Variants in RAB11FIP1 observed in about 807,000 individuals in gnomAD.
RAB11FIP1 encodes the protein RAB11 family interacting protein 1.
A neutral mutation model predicts 83.1 loss-of-function variants in RAB11FIP1; 49 were observed. That is an observed-to-expected ratio of 0.59 (90% CI 0.47 to 0.75). The LOEUF is 0.75. Ranked by LOEUF, RAB11FIP1 falls within the 30% of genes least tolerant of loss-of-function variation. RAB11FIP1 has a pLI of 0.00. For missense variants in RAB11FIP1, 1,536 were observed against 1,598.7 expected, an observed-to-expected ratio of 0.96 and a Z score of 0.67; for synonymous variants, 670 against 656.0, an observed-to-expected ratio of 1.02 and a Z score of -0.33.
chr8:37,880,281 G>A (rs1806707234), intron 1 of RAB11FIP1, among the ~76,000 whole-genome samples: 1 of 151,934 alleles, frequency 6.6e-6, no homozygotes, highest in South Asian at 2.1e-4. Context: ...AACAAGGCAA[G>A]ATCCCATTCT....
chr8:37,866,884 A>G (rs1185399838), intron 5 of RAB11FIP1, among the ~76,000 whole-genome samples: 6 of 152,180 alleles, frequency 3.9e-5, no homozygotes, highest in Non-Finnish European at 8.8e-5. Flanking sequence ...TTTACCCAGA[A>G]TGTTTACTAG....
chr8:37,871,667 C>G lies in RAB11FIP1; in HGVS notation c.3135G>C (p.Gln1045His), dbSNP rs1385399859. Residue 1045 changes from glutamine (Q) to histidine (H), a missense_variant, in exon 4 of 6, where the codon CAG (glutamine) becomes CAC (histidine). By Grantham distance (24) the Gln-to-His change is conservative. Coordinates refer to ENST00000330843, the MANE Select transcript of RAB11FIP1 (RefSeq NM_001002814.3). ...PQASVTAPSE[Q>H]TTEFGIHKPH... ...GTTTGTGAATTCCGAACTCTGTGGTCTGCTCTGAAGGAGCTGTCACAGATG... is the reference window on the plus strand; with the variant it reads ...GTTTGTGAATTCCGAACTCTGTGGTGTGCTCTGAAGGAGCTGTCACAGATG... 2.5e-6 allele frequency: 4 copies of G among 1,613,598 alleles called. No individual in the cohort carries two copies. The Admixed American group carries it at 6.7e-5, about 27-fold the overall frequency.
intron 4 of RAB11FIP1, 151 bp downstream of exon 4, chr8:37,871,127 A>G (rs1309246948): frequency 2.1e-6 from 2 of 953,788 alleles, no homozygotes; most frequent in African/African-American, 1.7e-5. Context: ...TTGAGGTATT[A>G]CCACCACAAG....
intron 1 of RAB11FIP1, among the ~76,000 whole-genome samples, chr8:37,898,832 A>C (rs1459481491): frequency 1.3e-5 from 2 of 151,394 alleles, no homozygotes; most frequent in African/African-American, 2.4e-5. Context: ...AAAAAAAAAA[A>C]AAAAAAAGCG....
chr8:37,861,071 G>C lies in RAB11FIP1; in HGVS notation c.*1824C>G, dbSNP rs1392445125. ...ATTAGATGAGATTCTATCATAGCCAGGGAAAAAAATGAGAAATACCAGAAA... is the reference window on the plus strand; with the variant it reads ...ATTAGATGAGATTCTATCATAGCCACGGAAAAAAATGAGAAATACCAGAAA... On this transcript the variant is annotated 3_prime_UTR_variant, in exon 6 of 6. Transcript: ENST00000330843. 6.5e-6 allele frequency: 1 copy of C among 152,810 alleles called. No homozygotes were observed. Among genetic ancestry groups the C allele is most frequent in the African/African-American group, 2.4e-5 (1 of 41,334 alleles). The allele number at this position is 152,810 out of a possible 1,614,324, so 9.5% of individuals were successfully genotyped here. A position where few individuals can be genotyped will look rare whatever the true frequency, so the allele number is the denominator to read the frequency against.
Position 37,871,475 on chromosome 8 carries a change from A to G in RAB11FIP1, c.3327T>C (p.Ser1109=). The change falls in exon 4 of 6, where the codon TCT becomes TCC. Residue 1109 remains serine, a synonymous_variant. Coordinates refer to ENST00000330843, the MANE Select transcript of RAB11FIP1 (RefSeq NM_001002814.3). ...TGTCAGAATGTGCAGAGCTGGGGAA[A>G]GAGTGTGTGACAGGAAAGATCTCAG... The part of the protein sequence containing the change: ...SPSEIFPVTH[S]FPSSAHSDTH... 1.2e-6 allele frequency: 2 copies of G among 1,614,008 alleles called. No homozygotes were observed. Among genetic ancestry groups the G allele is most frequent in the Non-Finnish European group, 1.7e-6 (2 of 1,179,954 alleles).
At chr8:37,887,390 G>A (rs778096993) in intron 1 of RAB11FIP1, among the ~76,000 whole-genome samples, 1 of 152,072 alleles carries the variant, frequency 6.6e-6, no homozygotes, top group African/African-American at 2.4e-5. Flanking sequence ...AATGAGCCGG[G>A]TGTGGTGGTA....
chr8:37,891,994 C>T (rs1392930952), intron 1 of RAB11FIP1, among the ~76,000 whole-genome samples: 1 of 152,186 alleles, frequency 6.6e-6, no homozygotes, highest in African/African-American at 2.4e-5. Context: ...CAACAGAAAT[C>T]TCCACTCACA....
At chr8:37,863,261 T>TCTTTCTTTCTTTCTTTCTTTCTTTC in intron 5 of RAB11FIP1, 148 bp from the exon 6 acceptor site, 2 of 522,584 alleles carry the variant, frequency 3.8e-6, no homozygotes, top group African/African-American at 3.9e-5. Context: ...TTTCTTTCTT[T>TCTTTCTTTCTTTCTTTCTTTCTTTC]TTGAGACTGA....
In RAB11FIP1 at chr8:37,860,332, C is replaced by T. The variant is rs1259107685; in HGVS notation, c.*2563G>A. On this transcript the variant is annotated 3_prime_UTR_variant, in exon 6 of 6. Coordinates refer to ENST00000330843, the MANE Select transcript of RAB11FIP1 (RefSeq NM_001002814.3). The stretch of plus-strand genomic sequence containing the variant: ...AAACATAATGCAGGACAAATATATA[C>T]ATGTACCTTTTCTTTCTTTCTTTTT... 6.6e-6 allele frequency: 1 copy of T among 152,620 alleles called. No homozygotes were observed. The highest frequency in any genetic ancestry group is 1.5e-5 in the Non-Finnish European group (1 of 68,162). The allele number at this position is 152,620 out of a possible 1,614,324, so 9.5% of individuals were successfully genotyped here. A position where few individuals can be genotyped will look rare whatever the true frequency, so the allele number is the denominator to read the frequency against.
chr8:37,874,445 G>T (rs1039344552), intron 3 of RAB11FIP1, 70 bp downstream of exon 3: 2 of 1,224,370 alleles, frequency 1.6e-6, no homozygotes, highest in African/African-American at 3.0e-5. Flanking sequence ...ACAAGAGCTG[G>T]TCTAACGTAA....
chr8:37,870,400 CA>C lies in RAB11FIP1; in HGVS notation c.3633+19del, dbSNP rs560737690. 53 of 1,421,926 alleles carry C rather than the reference CA, an allele frequency of 3.7e-5. No homozygotes were observed. The East Asian group carries it at 1.2e-3, about 32-fold the overall frequency. The allele number at this position is 1,421,926 out of a possible 1,614,324, so 88.1% of individuals were successfully genotyped here. On this transcript the variant is annotated intron_variant, in intron 5 of 5. Coordinates refer to ENST00000330843, the MANE Select transcript of RAB11FIP1 (RefSeq NM_001002814.3). ...TTCTGTCAATCCCTAACGAACACACCAGCTTCTCAGAGGACATACCTTCATC... is the reference window on the plus strand; with the variant it reads ...TTCTGTCAATCCCTAACGAACACACCGCTTCTCAGAGGACATACCTTCATC...
chr8:37,866,321 C>T (rs866714344), intron 5 of RAB11FIP1, among the ~76,000 whole-genome samples: 2 of 149,572 alleles, frequency 1.3e-5, no homozygotes, highest in East Asian at 2.0e-4. Context: ...GGCAACAGTG[C>T]GAGACCCCAT....
At chr8:37,875,349 G>A in intron 2 of RAB11FIP1, 27 bp from the exon 3 acceptor site, 1 of 1,557,946 alleles carries the variant, frequency 6.4e-7, no homozygotes, top group African/African-American at 1.4e-5. Context: ...AACAGAAAGG[G>A]GATAAGATGT....
chr8:37,871,852 C>G lies in RAB11FIP1; in HGVS notation c.2950G>C (p.Asp984His), dbSNP rs745390492. ...GACGACTTTGCTGTCTCTCCATCAT[C>G]TTCAACCTGATCTCCGTCATCTTCA... ...QVEDDGDQVEDDGETAKSSTL... is the reference protein window; with the variant it reads ...QVEDDGDQVEHDGETAKSSTL... The change falls in exon 4 of 6, where the codon GAT (aspartate) becomes CAT (histidine). Residue 984 changes from aspartate to histidine, a missense_variant. By Grantham distance (81) the Asp-to-His change is moderately conservative. Transcript: ENST00000330843. 1 of 1,614,098 alleles carries G rather than the reference C, an allele frequency of 6.2e-7. No individual in the cohort carries two copies. Among genetic ancestry groups the G allele is most frequent in the Non-Finnish European group, 8.5e-7 (1 of 1,180,006 alleles).
intron 3 of RAB11FIP1, 136 bp from the exon 4 acceptor site, chr8:37,873,315 G>A: frequency 9.7e-7 from 1 of 1,028,316 alleles, no homozygotes; most frequent in South Asian, 1.8e-5. Context: ...AGTTAAAAAA[G>A]GAACGCTAGC....
chr8:37,871,998 G>A lies in RAB11FIP1; in HGVS notation c.2804C>T (p.Ser935Phe). 2 of 1,614,182 alleles carry A rather than the reference G, an allele frequency of 1.2e-6. No homozygotes were observed. The highest frequency in any genetic ancestry group is 1.7e-6 in the Non-Finnish European group (2 of 1,180,036). ...CAACTGAAGGTCACTCAAGGGGTCA[G>A]ACAATAAACCTTCGTGGTCACTGGC... ...SKASDHEGLL[S>F]DPLSDLQLVS... is the part of the protein sequence containing the mutation. The change falls in exon 4 of 6, where the codon TCT (serine) becomes TTT (phenylalanine). Residue 935 changes from serine to phenylalanine, a missense_variant. Physicochemically the swap from Ser to Phe is radical, Grantham distance 155 (BLOSUM62 -2). Coordinates refer to ENST00000330843, the MANE Select transcript of RAB11FIP1 (RefSeq NM_001002814.3).
chr8:37,871,757 A>G lies in RAB11FIP1; in HGVS notation c.3045T>C (p.Ser1015=). 6.8e-6 allele frequency: 11 copies of G among 1,613,866 alleles called. No homozygotes were observed. Among genetic ancestry groups the G allele is most frequent in the Non-Finnish European group, 9.3e-6 (11 of 1,179,954 alleles). Residue 1015 remains serine, a synonymous_variant, in exon 4 of 6, where the codon AGT becomes AGC. Transcript: ENST00000330843. ...VPCPERGKGP[S]GEADRLVLGE... The stretch of plus-strand genomic sequence containing the variant: ...CCAGTACCAACCTATCTGCCTCGCC[A>G]CTGGGCCCCTTTCCCCTCTCAGGAC...
chr8:37,897,900 C>T (rs1807123932), intron 1 of RAB11FIP1, among the ~76,000 whole-genome samples: 1 of 152,212 alleles, frequency 6.6e-6, no homozygotes, highest in African/African-American at 2.4e-5. Flanking sequence ...CGGCAAACGC[C>T]ATTCCCCTCC....
Sources: allele counts gnomAD v4.1 joint callset (sites outside exome capture counted in the v4.1 genomes callset), GRCh38; gene constraint gnomAD v4.1.1; transcripts MANE v1.5; gene names NCBI Gene and HGNC (gene_info 2026-07-23, HGNC 2026-07-21).